The following TSPYL5 variants were observed in gnomAD, a reference collection of about 807,000 sequenced individuals.
TSPYL5 encodes the protein TSPY like 5, also known as testis-specific Y-encoded-like protein 5.
For synonymous variants in TSPYL5, 276 were observed against 236.1 expected, an observed-to-expected ratio of 1.17 and a Z score of -1.55; for missense variants, 556 against 555.5, an observed-to-expected ratio of 1.00 and a Z score of -0.01.
At position 97,274,003 on chromosome 8, in the gene TSPYL5, C is replaced by T. The variant is rs1446132025; in HGVS notation, c.*2588G>A. On this transcript the variant is annotated 3_prime_UTR_variant, in exon 1 of 1. Transcript: ENST00000322128. ...TTATGATAGTGCACCCCATCACTAT[C>T]ACCATCAAAAGAGACTACCAATCTC... 1 of 152,176 alleles carries T rather than the reference C, an allele frequency of 6.6e-6. No individual in the cohort carries two copies. Among genetic ancestry groups the T allele is most frequent in the African/African-American group, 2.4e-5 (1 of 41,444 alleles). The allele number at this position is 152,176 out of a possible 1,614,324, so 9.4% of individuals were successfully genotyped here. A position where few individuals can be genotyped will look rare whatever the true frequency, so the allele number is the denominator to read the frequency against.
At position 97,276,844 on chromosome 8, in the gene TSPYL5, T is replaced by C. The variant is rs758462821; in HGVS notation, c.1001A>G (p.His334Arg). Residue 334 changes from histidine (H) to arginine (R), a missense_variant, in exon 1 of 1, where the codon CAT becomes CGT. Transcript: ENST00000322128. The part of the protein sequence containing the change: ...RSTPIQWLPG[H>R]DLQSLSQGNP... ...TCCCTGGCTTAGGGACTGGAGATCA[T>C]GCCCTGGGAGCCACTGGATTGGAGT... The C allele has an allele frequency of 1.2e-6, 2 of 1,614,188 alleles. No individual in the cohort carries two copies. The highest frequency in any genetic ancestry group is 1.7e-6 in the Non-Finnish European group (2 of 1,180,036).
chr8:97,277,755 G>T lies in TSPYL5; in HGVS notation c.90C>A (p.Asp30Glu), dbSNP rs374426654. The T allele has an allele frequency of 6.5e-7, 1 of 1,543,436 alleles. No individual in the cohort carries two copies. The highest frequency in any genetic ancestry group is 8.7e-7 in the Non-Finnish European group (1 of 1,148,078). ...AAGGGTCCGGGTCGCGCGGGGCGTC[G>T]TCCGGAGCAGGGCGGACTCGGGCTT... ...RAKARVRPAP[D>E]DAPRDPDPSQ... The change falls in exon 1 of 1, where the codon GAC becomes GAA. Residue 30 changes from aspartate to glutamate, a missense_variant. Asp to Glu is a conservative substitution (Grantham distance 45). Coordinates refer to ENST00000322128, the MANE Select transcript of TSPYL5 (RefSeq NM_033512.3). This position sits in a 1 kb window ranked among gnomAD's most constrained non-coding sequence, Gnocchi z 4.5.
Position 97,277,535 on chromosome 8 carries a change from G to A in TSPYL5, c.310C>T (p.Pro104Ser), listed in dbSNP as rs1410671858. ...AGAGATGCGGCCTTCCCCGGGCCGG[G>A]CCTGGCCGCGGCCTGCCCGTGGTCC... ...AGDHGQAAAR[P>S]GPGKAASLSE... Residue 104 changes from proline (P) to serine (S), a missense_variant, in exon 1 of 1, where the codon CCC becomes TCC. Transcript: ENST00000322128. The surrounding 1 kb of genome is among the most constrained non-coding windows in gnomAD (Gnocchi z 4.5). 19 of 1,492,680 alleles carry A rather than the reference G, an allele frequency of 1.3e-5. No homozygotes were observed. Among genetic ancestry groups the A allele is most frequent in the Non-Finnish European group, 1.7e-5 (19 of 1,125,804 alleles). The allele number at this position is 1,492,680 out of a possible 1,614,324, so 92.5% of individuals were successfully genotyped here.
In TSPYL5 at chr8:97,276,641, C is replaced by T. The variant is rs1810521942; in HGVS notation, c.1204G>A (p.Gly402Arg). The change falls in exon 1 of 1, where the codon GGA (glycine) becomes AGA (arginine). Residue 402 changes from glycine (G) to arginine (R), a missense_variant. By Grantham distance (125) the Gly-to-Arg change is moderately radical. Coordinates refer to ENST00000322128, the MANE Select transcript of TSPYL5 (RefSeq NM_033512.3). The stretch of plus-strand genomic sequence containing the variant: ...TGAGTAGTCTCCATTGGCTGCTTTC[C>T]TGGACCTTGCCTGCCTTCTTTTTCC... ...GKEKEGRQGP[G>R]KQPMETTQPG... The T allele has an allele frequency of 1.2e-6, 2 of 1,614,096 alleles. No individual in the cohort carries two copies. Among genetic ancestry groups the T allele is most frequent in the East Asian group, 4.5e-5 (2 of 44,884 alleles).
chr8:97,277,818 C>T lies in TSPYL5; in HGVS notation c.27G>A (p.Lys9=). 6.8e-7 allele frequency: 1 copy of T among 1,470,920 alleles called. No homozygotes were observed. Among genetic ancestry groups the T allele is most frequent in the Non-Finnish European group, 9.0e-7 (1 of 1,115,556 alleles). The allele number at this position is 1,470,920 out of a possible 1,614,324, so 91.1% of individuals were successfully genotyped here. A position where few individuals can be genotyped will look rare whatever the true frequency, so the allele number is the denominator to read the frequency against. Residue 9 remains lysine (K), a synonymous_variant, in exon 1 of 1, where the codon AAG becomes AAA. Coordinates refer to ENST00000322128, the MANE Select transcript of TSPYL5 (RefSeq NM_033512.3). The surrounding 1 kb of genome is among the most constrained non-coding windows in gnomAD (Gnocchi z 4.5). ...TGCCCCGGTTTTTGGCGCGGGAGGACTTTCGACCCCGACTTCGGCCGCTCA... is the reference window on the plus strand; with the variant it reads ...TGCCCCGGTTTTTGGCGCGGGAGGATTTTCGACCCCGACTTCGGCCGCTCA... The part of the protein sequence containing the change: MSGRSRGR[K]SSRAKNRGKG...
In TSPYL5 at chr8:97,277,264, C is replaced by T; in HGVS notation, c.581G>A (p.Gly194Glu). 6.2e-7 allele frequency: 1 copy of T among 1,613,990 alleles called. No individual in the cohort carries two copies. The highest frequency in any genetic ancestry group is 1.7e-5 in the Admixed American group (1 of 60,022). The change falls in exon 1 of 1, where the codon GGG becomes GAG. Residue 194 changes from glycine (G) to glutamate (E), a missense_variant. Coordinates refer to ENST00000322128, the MANE Select transcript of TSPYL5 (RefSeq NM_033512.3). This position sits in a 1 kb window ranked among gnomAD's most constrained non-coding sequence, Gnocchi z 4.5. ...EKKEERDAGSGPPATEGSMDT... is the reference protein window; with the variant it reads ...EKKEERDAGSEPPATEGSMDT... ...CATGCTGCCTTCCGTCGCTGGGGGCCCCGACCCTGCATCCCTCTCTTCCTT... is the reference window on the plus strand; with the variant it reads ...CATGCTGCCTTCCGTCGCTGGGGGCTCCGACCCTGCATCCCTCTCTTCCTT...
Position 97,277,817 on chromosome 8 carries a change from A to T in TSPYL5, c.28T>A (p.Ser10Thr), listed in dbSNP as rs542793898. 4 of 1,469,936 alleles carry T rather than the reference A, an allele frequency of 2.7e-6. No individual in the cohort carries two copies. In the Admixed American group the frequency reaches 9.5e-5, roughly 35 times the overall value. 91.1% of individuals were successfully genotyped at this position (1,469,936 alleles called of 1,614,324 possible). A position where few individuals can be genotyped will look rare whatever the true frequency, so the allele number is the denominator to read the frequency against. The change falls in exon 1 of 1, where the codon TCC (serine) becomes ACC (threonine). Residue 10 changes from serine to threonine, a missense_variant. By Grantham distance (58) the Ser-to-Thr change is moderately conservative. Transcript: ENST00000322128. This position sits in a 1 kb window ranked among gnomAD's most constrained non-coding sequence, Gnocchi z 4.5. ...TTGCCCCGGTTTTTGGCGCGGGAGGACTTTCGACCCCGACTTCGGCCGCTC... is the reference window on the plus strand; with the variant it reads ...TTGCCCCGGTTTTTGGCGCGGGAGGTCTTTCGACCCCGACTTCGGCCGCTC... MSGRSRGRK[S>T]SRAKNRGKGR...
rs1425317975 is a variant in TSPYL5, at chr8:97,275,068, A to C, written c.*1523T>G. 2.6e-5 allele frequency: 4 copies of C among 152,452 alleles called. No individual in the cohort carries two copies. The highest frequency in any genetic ancestry group is 5.9e-5 in the Non-Finnish European group (4 of 68,042). The allele number at this position is 152,452 out of a possible 1,614,324, so 9.4% of individuals were successfully genotyped here. A position where few individuals can be genotyped will look rare whatever the true frequency, so the allele number is the denominator to read the frequency against. Reference sequence around the variant, plus strand: ...GGCACTTGGGTCTTAGGAAGCATTAAAACAAAGTCAAAACAAGAGTAAACA... The same window carrying C: ...GGCACTTGGGTCTTAGGAAGCATTACAACAAAGTCAAAACAAGAGTAAACA... On this transcript the variant is annotated 3_prime_UTR_variant, in exon 1 of 1. Coordinates refer to ENST00000322128, the MANE Select transcript of TSPYL5 (RefSeq NM_033512.3).
In TSPYL5 at chr8:97,275,397, A is replaced by T. The variant is rs1205801561; in HGVS notation, c.*1194T>A. On this transcript the variant is annotated 3_prime_UTR_variant, in exon 1 of 1. Coordinates refer to ENST00000322128, the MANE Select transcript of TSPYL5 (RefSeq NM_033512.3). Reference sequence around the variant, plus strand: ...AGAAGGAAGGGGAAGGCAGAAGGGGAGGAAAGGAGGCTACCAGGAAAGGGA... The same window carrying T: ...AGAAGGAAGGGGAAGGCAGAAGGGGTGGAAAGGAGGCTACCAGGAAAGGGA... 6.6e-6 allele frequency: 1 copy of T among 152,266 alleles called. No homozygotes were observed. Among genetic ancestry groups the T allele is most frequent in the Non-Finnish European group, 1.5e-5 (1 of 68,050 alleles). The allele number at this position is 152,266 out of a possible 1,614,324, so 9.4% of individuals were successfully genotyped here. A position where few individuals can be genotyped will look rare whatever the true frequency, so the allele number is the denominator to read the frequency against.
Position 97,276,837 on chromosome 8 carries a change from G to A in TSPYL5, c.1008C>T (p.Leu336=). 1.2e-6 allele frequency: 2 copies of A among 1,614,162 alleles called. No individual in the cohort carries two copies. Among genetic ancestry groups the A allele is most frequent in the Non-Finnish European group, 1.7e-6 (2 of 1,180,026 alleles). ...TPIQWLPGHD[L]QSLSQGNPEN... The stretch of plus-strand genomic sequence containing the variant: ...CTGGGTTTCCCTGGCTTAGGGACTG[G>A]AGATCATGCCCTGGGAGCCACTGGA... The change falls in exon 1 of 1, where the codon CTC becomes CTT. Residue 336 remains leucine, a synonymous_variant. Coordinates refer to ENST00000322128, the MANE Select transcript of TSPYL5 (RefSeq NM_033512.3).
chr8:97,277,925 C>G lies in TSPYL5; in HGVS notation c.-81G>C. On this transcript the variant is annotated 5_prime_UTR_variant, in exon 1 of 1. Transcript: ENST00000322128. This position sits in a 1 kb window ranked among gnomAD's most constrained non-coding sequence, Gnocchi z 4.5. ...AGCTCTCGGTCGGGACCGAGCGGGT[C>G]TCTCCACGGCAACCGCCGACGTCAC... is the stretch of plus-strand genomic sequence containing the variant. 4.7e-6 allele frequency: 6 copies of G among 1,280,514 alleles called. No homozygotes were observed. The highest frequency in any genetic ancestry group is 5.9e-6 in the Non-Finnish European group (6 of 1,010,064). 79.3% of individuals were successfully genotyped at this position (1,280,514 alleles called of 1,614,324 possible).
In TSPYL5 at chr8:97,276,383, G is replaced by C. The variant is rs1042469344; in HGVS notation, c.*208C>G. On this transcript the variant is annotated 3_prime_UTR_variant, in exon 1 of 1. Transcript: ENST00000322128. ...TGTGTGCTTAACATATGAACAGTCC[G>C]GGTGCGATCACATAACATGTGACAC... 1 of 640,226 alleles carries C rather than the reference G, an allele frequency of 1.6e-6. No homozygotes were observed. Among genetic ancestry groups the C allele is most frequent in the Non-Finnish European group, 2.7e-6 (1 of 366,104 alleles). 39.7% of individuals were successfully genotyped at this position (640,226 alleles called of 1,614,324 possible).
rs754750071 is a variant in TSPYL5 at position 97,277,816 on chromosome 8, G to C, written c.29C>G (p.Ser10Cys). 6.8e-7 allele frequency: 1 copy of C among 1,476,696 alleles called. No homozygotes were observed. The highest frequency in any genetic ancestry group is 8.9e-7 in the Non-Finnish European group (1 of 1,118,862). The allele number at this position is 1,476,696 out of a possible 1,614,324, so 91.5% of individuals were successfully genotyped here. ...TTTGCCCCGGTTTTTGGCGCGGGAGGACTTTCGACCCCGACTTCGGCCGCT... is the reference window on the plus strand; with the variant it reads ...TTTGCCCCGGTTTTTGGCGCGGGAGCACTTTCGACCCCGACTTCGGCCGCT... MSGRSRGRK[S>C]SRAKNRGKGR... Residue 10 changes from serine to cysteine, a missense_variant, in exon 1 of 1, where the codon TCC (serine) becomes TGC (cysteine). Physicochemically the swap from Ser to Cys is moderately radical, Grantham distance 112. Coordinates refer to ENST00000322128, the MANE Select transcript of TSPYL5 (RefSeq NM_033512.3). This position sits in a 1 kb window ranked among gnomAD's most constrained non-coding sequence, Gnocchi z 4.5.
Position 97,276,471 on chromosome 8 carries a change from G to A in TSPYL5, c.*120C>T. ...ACATGATCATAAATGCCATATTCTTGTAACTAAAGTCCAAAGGGTCTATAG... is the reference window on the plus strand; with the variant it reads ...ACATGATCATAAATGCCATATTCTTATAACTAAAGTCCAAAGGGTCTATAG... On this transcript the variant is annotated 3_prime_UTR_variant, in exon 1 of 1. Coordinates refer to ENST00000322128, the MANE Select transcript of TSPYL5 (RefSeq NM_033512.3). 1 of 1,256,558 alleles carries A rather than the reference G, an allele frequency of 8.0e-7. No homozygotes were observed. 77.8% of individuals were successfully genotyped at this position (1,256,558 alleles called of 1,614,324 possible).
chr8:97,276,611 C>G lies in TSPYL5; in HGVS notation c.1234G>C (p.Gly412Arg). 6.2e-7 allele frequency: 1 copy of G among 1,613,736 alleles called. No individual in the cohort carries two copies. The highest frequency in any genetic ancestry group is 8.5e-7 in the Non-Finnish European group (1 of 1,179,780). Residue 412 changes from glycine to arginine, a missense_variant, in exon 1 of 1, where the codon GGG becomes CGG. Gly to Arg is a moderately radical substitution (Grantham distance 125). Transcript: ENST00000322128. ...GKQPMETTQP[G>R]VSQSN ...CAGGATCAGTTGGATTGGCTCACCC[C>G]AGGCTGAGTAGTCTCCATTGGCTGC...
chr8:97,277,879 G>T lies in TSPYL5; in HGVS notation c.-35C>A. 1 of 1,373,954 alleles carries T rather than the reference G, an allele frequency of 7.3e-7. No individual in the cohort carries two copies. Among genetic ancestry groups the T allele is most frequent in the Non-Finnish European group, 9.4e-7 (1 of 1,066,114 alleles). The allele number at this position is 1,373,954 out of a possible 1,614,324, so 85.1% of individuals were successfully genotyped here. On this transcript the variant is annotated 5_prime_UTR_variant, in exon 1 of 1. Transcript: ENST00000322128. The surrounding 1 kb of genome is among the most constrained non-coding windows in gnomAD (Gnocchi z 4.5). ...GGAGGCAGCTTCAAAGACACGCTGT[G>T]ACCCTGCGGCTCCTGACGCCAGCTC...
rs745523497 is a variant in TSPYL5 at position 97,277,100 on chromosome 8, G to T, written c.745C>A (p.Pro249Thr). 1 of 1,611,890 alleles carries T rather than the reference G, an allele frequency of 6.2e-7. No individual in the cohort carries two copies. ...TGAAATGCTTGCCCCCAGAAGCCCG[G>T]GATATTTTGGATGAGGTGGTTCCTG... ...ERRNHLIQNI[P>T]GFWGQAFQNH... is the part of the protein sequence containing the mutation. Residue 249 changes from proline to threonine, a missense_variant, in exon 1 of 1, where the codon CCG (proline) becomes ACG (threonine). Coordinates refer to ENST00000322128, the MANE Select transcript of TSPYL5 (RefSeq NM_033512.3). The surrounding 1 kb of genome is among the most constrained non-coding windows in gnomAD (Gnocchi z 4.5).
chr8:97,277,061 G>C lies in TSPYL5; in HGVS notation c.784C>G (p.Leu262Val). 1 of 1,613,884 alleles carries C rather than the reference G, an allele frequency of 6.2e-7. No homozygotes were observed. The highest frequency in any genetic ancestry group is 8.5e-7 in the Non-Finnish European group (1 of 1,180,038). The change falls in exon 1 of 1, where the codon CTA becomes GTA. Residue 262 changes from leucine (L) to valine (V), a missense_variant. Coordinates refer to ENST00000322128, the MANE Select transcript of TSPYL5 (RefSeq NM_033512.3). The surrounding 1 kb of genome is among the most constrained non-coding windows in gnomAD (Gnocchi z 4.5). ...WGQAFQNHPQ[L>V]ASFLNSQEKE... ...TCTTGGCTATTCAGAAAGGATGCTAGCTGGGGATGGTTCTGAAATGCTTGC... is the reference window on the plus strand; with the variant it reads ...TCTTGGCTATTCAGAAAGGATGCTACCTGGGGATGGTTCTGAAATGCTTGC...
At position 97,276,451 on chromosome 8, in the gene TSPYL5, A is replaced by G. The variant is rs1810516239; in HGVS notation, c.*140T>C. 1.8e-6 allele frequency: 2 copies of G among 1,114,328 alleles called. No homozygotes were observed. The highest frequency in any genetic ancestry group is 3.1e-5 in the South Asian group (2 of 64,890). 69.0% of individuals were successfully genotyped at this position (1,114,328 alleles called of 1,614,324 possible). A position where few individuals can be genotyped will look rare whatever the true frequency, so the allele number is the denominator to read the frequency against. ...AGGCTATGGGAGGCAAAAGAACATG[A>G]TCATAAATGCCATATTCTTGTAACT... On this transcript the variant is annotated 3_prime_UTR_variant, in exon 1 of 1. Transcript: ENST00000322128.
Sources: allele counts gnomAD v4.1 joint callset, GRCh38; gene constraint gnomAD v4.1.1; non-coding constraint Gnocchi (gnomAD v3.1); transcripts MANE v1.5; gene names NCBI Gene and HGNC (gene_info 2026-07-23, HGNC 2026-07-21).